Variants in CASK observed in about 807,000 individuals in gnomAD.
The protein encoded by CASK is calcium/calmodulin dependent serine protein kinase, also known as peripheral plasma membrane protein CASK.
A neutral mutation model predicts 82.9 loss-of-function variants in CASK; 4 were observed. The observed-to-expected ratio is 0.05, with a 90% CI of 0.02 to 0.11. CASK has a LOEUF of 0.11. CASK is among the 10% of genes least tolerant of loss of function. The pLI is 1.00. For missense variants in CASK, 358 were observed against 720.9 expected, an observed-to-expected ratio of 0.50 and a Z score of 5.76; for synonymous variants, 259 against 253.5, an observed-to-expected ratio of 1.02 and a Z score of -0.20.
At chrX:41,753,413 G>T (rs1210937272) in intron 3 of CASK, among the ~76,000 whole-genome samples, 1 of 111,715 alleles carries the variant, frequency 9.0e-6, no homozygotes, top group East Asian at 2.8e-4. Context: ...TATTGTGAAT[G>T]CTGACTTAAA....
At position 41,832,933 on chromosome X, in the gene CASK, C is replaced by T. The variant is rs781660617; in HGVS notation, c.172+20182G>A. ...CCACTTTAAGAAGCAAAATCACCAG[C>T]AAAAAACACAAAAATGTGAAAAAAT... On this transcript the variant is annotated intron_variant, in intron 2 of 26. Coordinates refer to ENST00000378163, the MANE Select transcript of CASK (RefSeq NM_001367721.1). 1.2e-4 allele frequency among the ~76,000 whole-genome samples: 13 copies of T among 110,752 alleles called. No homozygotes were observed. The South Asian group carries it at 5.0e-3, about 43-fold the overall frequency.
intron 3 of CASK, 76 bp downstream of exon 3, chrX:41,787,102 A>G (rs767534821): frequency 4.5e-4 from 285 of 628,582 alleles, no homozygotes; most frequent in Middle Eastern, 2.4e-3. Flanking sequence ...CTAAATTTCA[A>G]GAGAAAAGTG....
intron 22 of CASK, among the ~76,000 whole-genome samples, chrX:41,537,990 C>T (rs1292844253): frequency 8.2e-5 from 9 of 109,902 alleles, no homozygotes; most frequent in East Asian, 5.7e-4. Context: ...GGATTACAGG[C>T]GTGTGCCACC....
chrX:41,785,637 G>A (rs1285094735), intron 3 of CASK, among the ~76,000 whole-genome samples: 1 of 112,126 alleles, frequency 8.9e-6, no homozygotes, highest in Non-Finnish European at 1.9e-5. Flanking sequence ...AACATTAACT[G>A]GTCTTAAATT....
intron 8 of CASK, 140 bp from the exon 9 acceptor site, chrX:41,636,801 C>G: frequency 2.2e-6 from 1 of 455,092 alleles, no homozygotes; most frequent in Non-Finnish European, 3.8e-6. Context: ...TTCCATGATA[C>G]TGGTAAGCAA....
At chrX:41,628,172 T>C (rs1417508096) in intron 9 of CASK, among the ~76,000 whole-genome samples, 1 of 112,704 alleles carries the variant, frequency 8.9e-6, no homozygotes, top group Non-Finnish European at 1.9e-5. Context: ...TTTGCTGGTC[T>C]ATGTAGAATC....
At chrX:41,671,581 A>C (rs759385935) in intron 5 of CASK, 51 bp from the exon 6 acceptor site, 4 of 775,373 alleles carry the variant, frequency 5.2e-6, no homozygotes, top group South Asian at 2.1e-5. Flanking sequence ...CCCGAAGATA[A>C]GGATTCATTG....
chrX:41,789,290 T>TA (rs1455444161), intron 2 of CASK, among the ~76,000 whole-genome samples: 1 of 111,601 alleles, frequency 9.0e-6, no homozygotes, highest in Non-Finnish European at 1.9e-5. Flanking sequence ...ATGACTTTCT[T>TA]AGAGTCAATG....
intron 1 of CASK, among the ~76,000 whole-genome samples, chrX:41,857,275 T>C (rs780858145): frequency 8.4e-4 from 93 of 110,963 alleles, no homozygotes; most frequent in Non-Finnish European, 1.5e-3. Context: ...TAGATACTAG[T>C]AGCATAGCAC....
At chrX:41,891,077 A>G (rs185855142) in intron 1 of CASK, among the ~76,000 whole-genome samples, 421 of 107,797 alleles carry the variant, frequency 3.9e-3, no homozygotes, top group African/African-American at 0.013. Flanking sequence ...TTTAGTAGAG[A>G]TGGAATTTTG....
At chrX:41,746,244 C>T (rs1002706182) in intron 3 of CASK, among the ~76,000 whole-genome samples, 1 of 110,880 alleles carries the variant, frequency 9.0e-6, no homozygotes, top group Non-Finnish European at 1.9e-5. Context: ...GCCTCTTCTA[C>T]CTACCTTGTC....
chrX:41,521,182 G>A (rs2064632581), intron 26 of CASK, among the ~76,000 whole-genome samples: 2 of 112,515 alleles, frequency 1.8e-5, no homozygotes, highest in South Asian at 7.3e-4. Context: ...CACGTTCTAG[G>A]AATTCAATTA....
chrX:41,845,701 A>T lies in CASK; in HGVS notation c.172+7414T>A, dbSNP rs754926915. On this transcript the variant is annotated intron_variant, in intron 2 of 26. Coordinates refer to ENST00000378163, the MANE Select transcript of CASK (RefSeq NM_001367721.1). Reference sequence around the variant, plus strand: ...CTCTGCCTTGTAATTGGAGTGTTTAATTCATTTATATTTAATATTATTACT... The same window carrying T: ...CTCTGCCTTGTAATTGGAGTGTTTATTTCATTTATATTTAATATTATTACT... 2.7e-5 allele frequency among the ~76,000 whole-genome samples: 3 copies of T among 111,435 alleles called. No homozygotes were observed. The East Asian group carries it at 8.5e-4, about 31-fold the overall frequency.
rs762854746 is a variant in CASK, at chrX:41,709,471, C to A, written c.429+29913G>T. ...TAAACTAGATTCTATTGAGTATTAT[C>A]ATATATTATGAGAGTCCATATAAAA... On this transcript the variant is annotated intron_variant, in intron 5 of 26. Coordinates refer to ENST00000378163, the MANE Select transcript of CASK (RefSeq NM_001367721.1). 2.7e-5 allele frequency among the ~76,000 whole-genome samples: 3 copies of A among 111,437 alleles called. No homozygotes were observed. The South Asian group carries it at 1.1e-3, about 41-fold the overall frequency.
intron 5 of CASK, among the ~76,000 whole-genome samples, chrX:41,680,438 C>T (rs954300672): frequency 3.7e-5 from 4 of 107,953 alleles, no homozygotes; most frequent in Non-Finnish European, 5.8e-5. Context: ...GCCAAGATCG[C>T]GCCATTGCAC....
chrX:41,866,714 T>A (rs2071597365), intron 1 of CASK, among the ~76,000 whole-genome samples: 1 of 111,794 alleles, frequency 8.9e-6, no homozygotes, highest in African/African-American at 3.3e-5. Context: ...AGGAGTCCAG[T>A]CTATTTAAAA....
intron 5 of CASK, among the ~76,000 whole-genome samples, chrX:41,678,099 TACTC>T (rs1482989251): frequency 8.9e-6 from 1 of 112,457 alleles, no homozygotes; most frequent in Non-Finnish European, 1.9e-5. Flanking sequence ...TATCATCTAA[TACTC>T]AGTCCACATT....
chrX:41,587,176 C>T, intron 13 of CASK, 189 bp from the exon 14 acceptor site: 1 of 375,090 alleles, frequency 2.7e-6, no homozygotes, highest in Non-Finnish European at 4.6e-6. Context: ...AAAAATGAAG[C>T]AAATTGTTCT....
chrX:41,862,770 G>C (rs773999743), intron 1 of CASK, among the ~76,000 whole-genome samples: 1 of 111,158 alleles, frequency 9.0e-6, no homozygotes, highest in African/African-American at 3.3e-5. Context: ...AGATACTTAA[G>C]AAAATAAATT....
Sources: gnomAD v4.1 joint callset for allele counts (sites outside exome capture counted in the v4.1 genomes callset) on GRCh38, gnomAD v4.1.1 for gene constraint, MANE v1.5 for transcripts, NCBI Gene and HGNC (gene_info 2026-07-23, HGNC 2026-07-21) for gene names.